AK8: variants seen among roughly 807,000 people sequenced by gnomAD.
AK8 encodes the protein ATP-AMP transphosphorylase 8.
A neutral mutation model predicts 54.6 loss-of-function variants in AK8; 44 were observed. That is an observed-to-expected ratio of 0.81 (90% CI 0.63 to 1.04). AK8 has a LOEUF of 1.04. Ranked by LOEUF, AK8 falls within the 50% of genes least tolerant of loss-of-function variation. The pLI, the probability that AK8 is intolerant of heterozygous loss-of-function variation, is 0.00. For synonymous variants in AK8, 239 were observed against 245.6 expected, an observed-to-expected ratio of 0.97 and a Z score of 0.25; for missense variants, 555 against 613.6, an observed-to-expected ratio of 0.90 and a Z score of 1.01.
chr9:132,732,153 C>CA (rs57738077), intron 11 of AK8, among the ~76,000 whole-genome samples: 3 of 151,854 alleles, frequency 2.0e-5, no homozygotes, highest in Non-Finnish European at 4.4e-5. Flanking sequence ...TTTAATATCT[C>CA]AAAAAAAATC....
intron 4 of AK8, among the ~76,000 whole-genome samples, chr9:132,863,429 C>A (rs1356502302): frequency 6.6e-6 from 1 of 152,258 alleles, no homozygotes; most frequent in African/African-American, 2.4e-5. Context: ...CTTCACTCGA[C>A]CCGTGATCCT....
intron 8 of AK8, among the ~76,000 whole-genome samples, chr9:132,825,352 T>C (rs1841829281): frequency 6.6e-6 from 1 of 152,220 alleles, no homozygotes; most frequent in Non-Finnish European, 1.5e-5. Context: ...ACTCACATTT[T>C]TATTTACAAT....
chr9:132,785,978 C>G lies in AK8; in HGVS notation c.1121+6656G>C, dbSNP rs368855359. 6.5e-4 allele frequency among the ~76,000 whole-genome samples: 99 copies of G among 152,328 alleles called. 1 individual carries two copies. The highest frequency in any genetic ancestry group is 2.1e-3 in the Admixed American group (32 of 15,310). On this transcript the variant is annotated intron_variant, in intron 11 of 12. Transcript: ENST00000298545. ...ACGATAGGAAAGGCACTTTGAAAAC[C>G]TAACCTACAAGGACAGAAAGAACAG...
At chr9:132,869,508 G>A (rs1843723852) in intron 2 of AK8, among the ~76,000 whole-genome samples, 1 of 152,230 alleles carries the variant, frequency 6.6e-6, no homozygotes, top group African/African-American at 2.4e-5. Context: ...GACTCGCCTG[G>A]CAGGGGAAGC....
intron 4 of AK8, among the ~76,000 whole-genome samples, chr9:132,857,902 G>C (rs1186295001): frequency 1.3e-5 from 2 of 152,346 alleles, no homozygotes; most frequent in African/African-American, 4.8e-5. Flanking sequence ...GTCAGCAGCA[G>C]GGCTTTCAGA....
chr9:132,788,880 A>G (rs1362546564), intron 11 of AK8, among the ~76,000 whole-genome samples: 1 of 152,254 alleles, frequency 6.6e-6, no homozygotes, highest in Non-Finnish European at 1.5e-5. Flanking sequence ...ATGTGGAAAA[A>G]TTCTAATCCA....
intron 5 of AK8, among the ~76,000 whole-genome samples, chr9:132,830,363 C>A (rs1842056135): frequency 6.6e-6 from 1 of 152,196 alleles, no homozygotes; most frequent in African/African-American, 2.4e-5. Context: ...CATCGCTCTA[C>A]AAAATGGCCC....
intron 11 of AK8, among the ~76,000 whole-genome samples, chr9:132,761,661 T>C (rs910633342): frequency 3.3e-5 from 5 of 152,198 alleles, no homozygotes; most frequent in Non-Finnish European, 7.3e-5. Context: ...TTGTTTGTAA[T>C]ATTTTTCCTA....
intron 11 of AK8, among the ~76,000 whole-genome samples, chr9:132,785,066 G>T (rs1839631756): frequency 6.6e-6 from 1 of 151,480 alleles, no homozygotes; most frequent in Non-Finnish European, 1.5e-5. Flanking sequence ...GAGAATGGCT[G>T]GAGAAGGGGG....
rs551510504 is a variant in AK8 at position 132,854,905 on chromosome 9, G to A, written c.354C>T (p.Leu118=). 1.6e-5 allele frequency: 26 copies of A among 1,613,944 alleles called. 1 individual carries two copies. The highest frequency in any genetic ancestry group is 1.3e-4 in the South Asian group (12 of 91,078). ...CCAGGCGTTCCTGAATCAGCTGGACGAGCAGCGCGCTGGGAACTGTCTGAA... is the reference window on the plus strand; with the variant it reads ...CCAGGCGTTCCTGAATCAGCTGGACAAGCAGCGCGCTGGGAACTGTCTGAA... ...LQRKTVPSAL[L]VQLIQERLAE... is the part of the protein sequence containing the mutation. Residue 118 remains leucine, a synonymous_variant, in exon 5 of 13, where the codon CTC becomes CTT. Transcript: ENST00000298545.
At chr9:132,873,109 A>G (rs940890415) in intron 2 of AK8, among the ~76,000 whole-genome samples, 1 of 152,204 alleles carries the variant, frequency 6.6e-6, no homozygotes, top group Admixed American at 6.5e-5. Context: ...CACCGCACCC[A>G]GCCAATTTTC....
rs943221723 is a variant in AK8, at chr9:132,837,992, G to A, written c.403-9266C>T. On this transcript the variant is annotated intron_variant, in intron 5 of 12. Transcript: ENST00000298545. This position sits in a 1 kb window ranked among gnomAD's most constrained non-coding sequence, Gnocchi z 4.3. ...AGCAGAGCTGTGGATCAATAAAACC[G>A]CACTCCTTGGAGGAGGCAAGTGACA... is the stretch of plus-strand genomic sequence containing the variant. 6.6e-6 allele frequency among the ~76,000 whole-genome samples: 1 copy of A among 152,212 alleles called. No homozygotes were observed. Among genetic ancestry groups the A allele is most frequent in the Non-Finnish European group, 1.5e-5 (1 of 68,038 alleles).
chr9:132,833,866 C>T (rs1425655925), intron 5 of AK8, among the ~76,000 whole-genome samples: 1 of 152,264 alleles, frequency 6.6e-6, no homozygotes, highest in Non-Finnish European at 1.5e-5. Context: ...GCGCAATTAG[C>T]AACTTCACAT....
At chr9:132,834,175 C>T (rs564628611) in intron 5 of AK8, among the ~76,000 whole-genome samples, 1 of 152,228 alleles carries the variant, frequency 6.6e-6, no homozygotes, top group Non-Finnish European at 1.5e-5. Flanking sequence ...GCAGGCTGAA[C>T]GCGGCCTAAT....
At chr9:132,830,957 C>A (rs780204443) in intron 5 of AK8, among the ~76,000 whole-genome samples, 2 of 152,084 alleles carry the variant, frequency 1.3e-5, no homozygotes, top group Non-Finnish European at 2.9e-5. Context: ...TTCCAGTGTG[C>A]GAATGATATA....
intron 9 of AK8, among the ~76,000 whole-genome samples, chr9:132,820,856 C>T (rs7031940): frequency 0.016 from 2,383 of 152,274 alleles, 72 homozygotes; most frequent in African/African-American, 0.055. Context: ...GGTTCAGACA[C>T]GCATTTGCAG....
Position 132,827,042 on chromosome 9 carries a change from G to A in AK8, c.569C>T (p.Thr190Ile), listed in dbSNP as rs754521864. Residue 190 changes from threonine (T) to isoleucine (I), a missense_variant, in exon 8 of 13, where the codon ACC becomes ATC. Thr to Ile is a moderately conservative substitution (Grantham distance 89). Transcript: ENST00000298545. ...AGATTCGGGTGGCCAGTCAAAGGTG[G>A]TGTGATAAATCTCTACAAGGAGAGA... ...IDPQTGEIYH[T>I]TFDWPPESEI... 2 of 1,614,176 alleles carry A rather than the reference G, an allele frequency of 1.2e-6. No homozygotes were observed. The highest frequency in any genetic ancestry group is 1.7e-6 in the Non-Finnish European group (2 of 1,179,994).
At chr9:132,798,389 A>G (rs1840278449) in intron 10 of AK8, among the ~76,000 whole-genome samples, 1 of 152,186 alleles carries the variant, frequency 6.6e-6, no homozygotes, top group African/African-American at 2.4e-5. Flanking sequence ...CAAAGCTGAG[A>G]ACAAGCTGCT....
chr9:132,772,338 A>T (rs1404583260), intron 11 of AK8, among the ~76,000 whole-genome samples: 2 of 152,224 alleles, frequency 1.3e-5, no homozygotes, highest in Non-Finnish European at 2.9e-5. Context: ...CCAGAACCTC[A>T]GAAGGTGACT....
Sources: allele counts gnomAD v4.1 joint callset (sites outside exome capture counted in the v4.1 genomes callset), GRCh38; gene constraint gnomAD v4.1.1; non-coding constraint Gnocchi (gnomAD v3.1); transcripts MANE v1.5; gene names NCBI Gene and HGNC (gene_info 2026-07-23, HGNC 2026-07-21).